Variants in BRD8 observed in about 807,000 individuals in gnomAD.
The protein encoded by BRD8 is bromodomain containing 8, also known as bromodomain-containing protein 8.
A neutral mutation model predicts 143.1 loss-of-function variants in BRD8; 67 were observed. That is an observed-to-expected ratio of 0.47 (90% CI 0.38 to 0.57). The LOEUF is 0.57. Ranked by LOEUF, BRD8 falls within the 20% of genes least tolerant of loss-of-function variation. BRD8 has a pLI of 0.00. For missense variants in BRD8, 1,103 were observed against 1,503.0 expected (o/e 0.73, Z 4.40); for synonymous variants, 505 against 517.1 (o/e 0.98, Z 0.32).
chr5:138,160,748 G>C (rs1752943790), intron 18 of BRD8, 143 bp downstream of exon 18: 1 of 689,052 alleles, frequency 1.5e-6, no homozygotes, highest in East Asian at 3.0e-5. Context: ...ATAAAAGTAA[G>C]AACAAAATAT....
chr5:138,178,079 A>C (rs1420650472), intron 1 of BRD8, among the ~76,000 whole-genome samples: 1 of 152,062 alleles, frequency 6.6e-6, no homozygotes, highest in East Asian at 1.9e-4. Flanking sequence ...TCTTAGCATA[A>C]ACTTGTTTAC....
chr5:138,171,019 C>T lies in BRD8; in HGVS notation c.359+19G>A. ...CCTTATGTCTTTCTCAATTTTTTGG[C>T]ATTCTCTCTGATAAGTACCTATATC... On this transcript the variant is annotated intron_variant, in intron 5 of 26. Transcript: ENST00000254900. 6.2e-7 allele frequency: 1 copy of T among 1,611,420 alleles called. No homozygotes were observed. The highest frequency in any genetic ancestry group is 8.5e-7 in the Non-Finnish European group (1 of 1,178,970).
intron 20 of BRD8, chr5:138,157,401 G>A (rs1164977247): frequency 3.5e-6 from 4 of 1,143,126 alleles, no homozygotes; most frequent in Non-Finnish European, 5.0e-6. Context: ...AGGGATGAGG[G>A]GCATATTTCT....
rs148605042 is a variant in BRD8 at position 138,152,751 on chromosome 5, C to T, written c.2587G>A (p.Glu863Lys). 1.3e-4 allele frequency: 202 copies of T among 1,612,850 alleles called. 2 individuals are homozygous for T. In the East Asian group the frequency reaches 3.9e-3, roughly 31 times the overall value. Residue 863 changes from glutamate to lysine, a missense_variant, in exon 21 of 27, where the codon GAG becomes AAG. Glu to Lys is a moderately conservative substitution (Grantham distance 56). Transcript: ENST00000254900. ...TGTTCAGAATCCAGCCAAACCCACT[C>T]GTGTCCCATCTGTAAATACACAGGA... ...AFLLSLFMGH[E>K]WVWLDSEQDH...
chr5:138,170,532 A>T, intron 6 of BRD8, 123 bp from the exon 7 acceptor site: 1 of 1,037,200 alleles, frequency 9.6e-7, no homozygotes, highest in Non-Finnish European at 1.5e-6. Flanking sequence ...CCTAAACAGG[A>T]ATTCTAACCA....
intron 19 of BRD8, 135 bp from the exon 20 acceptor site, chr5:138,159,734 G>A (rs138973025): frequency 1.2e-6 from 1 of 819,596 alleles, no homozygotes; most frequent in Non-Finnish European, 2.0e-6. Context: ...AGAGGAAAGA[G>A]ATCCAAAAGC....
intron 23 of BRD8, among the ~76,000 whole-genome samples, chr5:138,146,173 T>G (rs1026001779): frequency 2.0e-5 from 3 of 151,850 alleles, no homozygotes; most frequent in Non-Finnish European, 4.4e-5. Flanking sequence ...TTCTCCTGCC[T>G]CAGCCTCCCA....
intron 11 of BRD8, 75 bp from the exon 12 acceptor site, chr5:138,165,241 G>T (rs1753304453): frequency 8.9e-6 from 13 of 1,460,536 alleles, no homozygotes; most frequent in Non-Finnish European, 1.2e-5. Flanking sequence ...AGCACCAAAT[G>T]TGATGGCTTG....
intron 20 of BRD8, among the ~76,000 whole-genome samples, chr5:138,155,381 G>A (rs1447870079): frequency 6.6e-6 from 1 of 150,952 alleles, no homozygotes; most frequent in Non-Finnish European, 1.5e-5. Context: ...CCTGGGAGGC[G>A]GAGGTTGCAG....
At chr5:138,175,654 A>G (rs186090644) in intron 2 of BRD8, among the ~76,000 whole-genome samples, 8 of 151,940 alleles carry the variant, frequency 5.3e-5, no homozygotes, top group African/African-American at 1.4e-4. Context: ...AGCCTGGGGA[A>G]CATAGTGGGA....
chr5:138,164,543 G>A (rs765487084), intron 12 of BRD8, 130 bp from the exon 13 acceptor site: 1 of 1,138,986 alleles, frequency 8.8e-7, no homozygotes, highest in Non-Finnish European at 1.3e-6. Context: ...GACTCCAATG[G>A]TCACCTTAAC....
chr5:138,168,666 C>T, intron 8 of BRD8: 17 of 1,598,062 alleles, frequency 1.1e-5, no homozygotes, highest in Non-Finnish European at 1.4e-5. Flanking sequence ...GACTGGGGTA[C>T]TCGGCAAAGT....
At chr5:138,155,450 TAA>T (rs1174770111) in intron 20 of BRD8, among the ~76,000 whole-genome samples, 7 of 131,562 alleles carry the variant, frequency 5.3e-5, no homozygotes, top group Admixed American at 7.6e-5. Context: ...ACTCCGAATT[TAA>T]AAAAAAAAAA....
At chr5:138,152,432 C>T in intron 21 of BRD8, 50 bp downstream of exon 21, 1 of 1,598,888 alleles carries the variant, frequency 6.3e-7, no homozygotes, top group Non-Finnish European at 8.5e-7. Flanking sequence ...TAAGCATTCT[C>T]TTAGAAAGTT....
intron 19 of BRD8, among the ~76,000 whole-genome samples, 182 bp downstream of exon 19, chr5:138,159,887 C>T (rs1356527138): frequency 1.3e-5 from 2 of 152,206 alleles, no homozygotes; most frequent in East Asian, 3.8e-4. Context: ...CTGGGCCTTT[C>T]GGTTACAATA....
Position 138,149,702 on chromosome 5 carries a change from GGCATCA to G in BRD8, c.3210_3215del (p.Asp1071_Ala1072del). ...CCAAGGGAGTCTCCTTAATGTTAAA[GGCATCA>G]TCACACTCGCCTGAAGGGGGCTGGT... On this transcript the variant is annotated inframe_deletion, in exon 23 of 27. Coordinates refer to ENST00000254900, the MANE Select transcript of BRD8 (RefSeq NM_139199.2). 6.2e-7 allele frequency: 1 copy of G among 1,613,820 alleles called. No homozygotes were observed. The highest frequency in any genetic ancestry group is 2.2e-5 in the East Asian group (1 of 44,854).
Position 138,166,541 on chromosome 5 carries a change from G to C in BRD8, c.974C>G (p.Ser325Cys). The C allele has an allele frequency of 6.2e-7, 1 of 1,612,932 alleles. No homozygotes were observed. Among genetic ancestry groups the C allele is most frequent in the Non-Finnish European group, 8.5e-7 (1 of 1,179,284 alleles). ...LPAPSSAPAV[S>C]TTESVAPVSQ... ...ACCTGGAGCTACACTTTCAGTAGTG[G>C]AGACAGCCGGAGCAGAGGATGGTGC... The change falls in exon 10 of 27, where the codon TCC becomes TGC. Residue 325 changes from serine (S) to cysteine (C), a missense_variant. By Grantham distance (112) the Ser-to-Cys change is moderately radical. Coordinates refer to ENST00000254900, the MANE Select transcript of BRD8 (RefSeq NM_139199.2).
chr5:138,170,742 G>A, intron 6 of BRD8, 90 bp downstream of exon 6: 1 of 1,212,332 alleles, frequency 8.2e-7, no homozygotes, highest in Non-Finnish European at 1.2e-6. Flanking sequence ...AGTCTAAAGG[G>A]ACGGCAATTG....
chr5:138,156,288 C>A (rs906254190), intron 20 of BRD8, among the ~76,000 whole-genome samples: 1 of 151,988 alleles, frequency 6.6e-6, no homozygotes, highest in East Asian at 1.9e-4. Flanking sequence ...TACAGACATG[C>A]GCCACCACGC....
Sources: allele counts gnomAD v4.1 joint callset (sites outside exome capture counted in the v4.1 genomes callset), GRCh38; gene constraint gnomAD v4.1.1; transcripts MANE v1.5; gene names NCBI Gene and HGNC (gene_info 2026-07-23, HGNC 2026-07-21).